The following SGCZ variants were observed in gnomAD, a reference collection of about 807,000 sequenced individuals.
SGCZ encodes the protein sarcoglycan zeta.
Under a neutral mutation model 41.3 loss-of-function variants are expected in SGCZ, and 40 were observed. The ratio of observed to expected loss-of-function variants is 0.97; its 90% confidence interval spans 0.75 to 1.26. SGCZ has a LOEUF of 1.26. SGCZ is among the 50% of genes most tolerant of loss of function. The pLI is 0.00. For missense variants in SGCZ, 552 were observed against 369.8 expected, an observed-to-expected ratio of 1.49 and a Z score of -4.04; for synonymous variants, 206 against 137.5, an observed-to-expected ratio of 1.50 and a Z score of -3.49.
chr8:14,407,194 G>C (rs779728107), intron 2 of SGCZ, among the ~76,000 whole-genome samples: 9 of 150,482 alleles, frequency 6.0e-5, no homozygotes, highest in Non-Finnish European at 1.2e-4. Flanking sequence ...TCAGCCTCCT[G>C]AGTAGCTGGG....
At chr8:14,934,142 T>G (rs893940814) in intron 1 of SGCZ, among the ~76,000 whole-genome samples, 2 of 151,966 alleles carry the variant, frequency 1.3e-5, no homozygotes, top group African/African-American at 2.4e-5. Flanking sequence ...GGCAATGTAT[T>G]TACAAATAAA....
chr8:14,275,858 G>C (rs898354817), intron 3 of SGCZ, among the ~76,000 whole-genome samples: 2 of 152,144 alleles, frequency 1.3e-5, no homozygotes, highest in Non-Finnish European at 1.5e-5. Flanking sequence ...CCTAATGGCA[G>C]CCCACTTAAA....
intron 1 of SGCZ, among the ~76,000 whole-genome samples, chr8:15,206,777 ATT>A (rs113813675): frequency 1.3e-5 from 2 of 150,312 alleles, no homozygotes; most frequent in African/African-American, 2.4e-5. Flanking sequence ...AACTAAAGAG[ATT>A]TTTTTTTTCT....
chr8:14,389,330 C>A, intron 2 of SGCZ, among the ~76,000 whole-genome samples: 1 of 151,296 alleles, frequency 6.6e-6, no homozygotes, highest in Non-Finnish European at 1.5e-5. Context: ...AAGAATTTTT[C>A]AGAAATAAAG....
chr8:14,207,691 CAA>C (rs778768919), intron 4 of SGCZ, among the ~76,000 whole-genome samples: 1 of 147,702 alleles, frequency 6.8e-6, no homozygotes, highest in Non-Finnish European at 1.5e-5. Flanking sequence ...TGTAGATTGC[CAA>C]ATAAAGAATT....
At chr8:14,852,682 A>C (rs1014228872) in intron 1 of SGCZ, among the ~76,000 whole-genome samples, 1 of 152,148 alleles carries the variant, frequency 6.6e-6, no homozygotes, top group African/African-American at 2.4e-5. Context: ...ATTTTTGTTC[A>C]TATTTAGTTT....
In SGCZ at chr8:14,423,350, CTTAA is replaced by C. The variant is rs560834770; in HGVS notation, c.235-99150_235-99147del. On this transcript the variant is annotated intron_variant, in intron 2 of 7. Coordinates refer to ENST00000382080, the MANE Select transcript of SGCZ (RefSeq NM_139167.4). ...AGAAAAAAAAGTAAACTGTATCCTA[CTTAA>C]TTTTTTAAAGATCTTATCCATTAAA... 2.6e-4 allele frequency among the ~76,000 whole-genome samples: 39 copies of C among 152,066 alleles called. 1 individual carries two copies. The highest frequency in any genetic ancestry group is 2.2e-3 in the Admixed American group (34 of 15,260).
At chr8:15,096,739 G>T (rs1279661066) in intron 1 of SGCZ, among the ~76,000 whole-genome samples, 1 of 151,960 alleles carries the variant, frequency 6.6e-6, no homozygotes, top group Non-Finnish European at 1.5e-5. Flanking sequence ...AGGCTGGAGT[G>T]CAGTGGTGCA....
chr8:14,650,232 G>A (rs1423057097), intron 1 of SGCZ, among the ~76,000 whole-genome samples: 1 of 152,026 alleles, frequency 6.6e-6, no homozygotes, highest in Non-Finnish European at 1.5e-5. Flanking sequence ...AATGGATCAG[G>A]AGTAGGAGAA....
chr8:15,000,871 T>C (rs1409059584), intron 1 of SGCZ, among the ~76,000 whole-genome samples: 1 of 152,222 alleles, frequency 6.6e-6, no homozygotes, highest in Non-Finnish European at 1.5e-5. Flanking sequence ...CACTCCTTTC[T>C]TCTGCCTATT....
intron 1 of SGCZ, among the ~76,000 whole-genome samples, chr8:14,956,281 G>A (rs190822552): frequency 6.7e-4 from 102 of 151,820 alleles, no homozygotes; most frequent in Admixed American, 1.7e-3. Context: ...CTCGTGATCC[G>A]CCTGCTTCAG....
chr8:14,145,560 C>T (rs531850786), intron 5 of SGCZ, among the ~76,000 whole-genome samples: 11 of 152,250 alleles, frequency 7.2e-5, no homozygotes, highest in African/African-American at 2.6e-4. Context: ...CAACACTATC[C>T]AGGAAAACAT....
intron 2 of SGCZ, among the ~76,000 whole-genome samples, chr8:14,416,882 T>C (rs1273541587): frequency 6.6e-6 from 1 of 151,914 alleles, no homozygotes; most frequent in Non-Finnish European, 1.5e-5. Context: ...CTAAATTCTG[T>C]AATCCTATGC....
intron 2 of SGCZ, among the ~76,000 whole-genome samples, chr8:14,513,253 G>C (rs972244390): frequency 1.4e-4 from 21 of 152,030 alleles, no homozygotes; most frequent in African/African-American, 4.6e-4. Flanking sequence ...GCCCAGGCTG[G>C]TCTTGAACTC....
chr8:14,283,598 T>C (rs1233978730), intron 3 of SGCZ, among the ~76,000 whole-genome samples: 1 of 152,192 alleles, frequency 6.6e-6, no homozygotes, highest in Non-Finnish European at 1.5e-5. Flanking sequence ...TGTGGGTTAT[T>C]ACAAAAAAGA....
intron 3 of SGCZ, among the ~76,000 whole-genome samples, chr8:14,285,296 T>G (rs999498459): frequency 7.9e-5 from 12 of 152,128 alleles, no homozygotes; most frequent in Non-Finnish European, 7.4e-5. Context: ...ATTCCCAATT[T>G]CTTAAGGGAG....
At chr8:14,148,935 C>T (rs1467702563) in intron 5 of SGCZ, among the ~76,000 whole-genome samples, 1 of 152,050 alleles carries the variant, frequency 6.6e-6, no homozygotes, top group Non-Finnish European at 1.5e-5. Flanking sequence ...AGGATAAAAA[C>T]CACATGATCC....
intron 1 of SGCZ, among the ~76,000 whole-genome samples, chr8:14,565,024 C>A (rs1054025205): frequency 6.6e-6 from 1 of 151,944 alleles, no homozygotes; most frequent in Admixed American, 6.6e-5. Flanking sequence ...AAGAAGCAAC[C>A]TAGCAACTGA....
At chr8:15,097,899 T>TATATATACGTGTGTGTATAG (rs1563124200) in intron 1 of SGCZ, among the ~76,000 whole-genome samples, 2 of 123,870 alleles carry the variant, frequency 1.6e-5, no homozygotes, top group Non-Finnish European at 3.3e-5. Flanking sequence ...TATATATATA[T>TATATATACGTGTGTGTATAG]ATATATATAT....
Sources: gnomAD v4.1 joint callset for allele counts (sites outside exome capture counted in the v4.1 genomes callset) on GRCh38, gnomAD v4.1.1 for gene constraint, MANE v1.5 for transcripts, NCBI Gene and HGNC (gene_info 2026-07-23, HGNC 2026-07-21) for gene names.